Variants in NOX1 observed in about 807,000 individuals in gnomAD.
The protein encoded by NOX1 is NADH/NADPH mitogenic oxidase subunit P65-MOX.
Under a neutral mutation model 42.5 loss-of-function variants are expected in NOX1, and 34 were observed. That is an observed-to-expected ratio of 0.80 (90% CI 0.61 to 1.07). NOX1 has a LOEUF of 1.07. Among genes scored for constraint, NOX1 ranks in the 50% least tolerant of loss-of-function variants. The probability of loss-of-function intolerance (pLI) is 0.00; values close to 1 mark genes in which losing one functional copy is unlikely to be tolerated. For missense variants in NOX1, 408 were observed against 427.0 expected (o/e 0.96, Z 0.39); for synonymous variants, 143 against 152.5 (o/e 0.94, Z 0.46).
At chrX:100,873,118 A>C (rs1350239671) in intron 1 of NOX1, among the ~76,000 whole-genome samples, 4 of 110,356 alleles carry the variant, frequency 3.6e-5, no homozygotes, top group Non-Finnish European at 7.6e-5. Context: ...CCCAAAAGCA[A>C]AACAGGAGAA....
At position 100,863,520 on chromosome X, in the gene NOX1, G is replaced by A. The variant is rs1399692470; in HGVS notation, c.217C>T (p.Arg73Cys). 3.3e-6 allele frequency: 4 copies of A among 1,208,646 alleles called. No homozygotes were observed. In the African/African-American group the frequency reaches 5.3e-5, roughly 16 times the overall value. The stretch of plus-strand genomic sequence containing the variant: ...CCCCTCAGGAAGGACAGCAGATTGC[G>A]ACACACAGGAAGCAGGATCAGCGTG... ...NSTLILLPVC[R>C]NLLSFLRGTC... Residue 73 changes from arginine (R) to cysteine (C), a missense_variant, in exon 3 of 13, where the codon CGC (arginine) becomes TGC (cysteine). By Grantham distance (180) the Arg-to-Cys change is radical. Transcript: ENST00000372966.
At chrX:100,857,858 CTGTAGG>C (rs779041388) in intron 7 of NOX1, among the ~76,000 whole-genome samples, 15 of 111,284 alleles carry the variant, frequency 1.3e-4, no homozygotes, top group African/African-American at 4.9e-4. Context: ...TTCTCCCATT[CTGTAGG>C]TTGTTTGTTT....
At chrX:100,869,430 A>G (rs1242539927) in intron 2 of NOX1, among the ~76,000 whole-genome samples, 1 of 106,489 alleles carries the variant, frequency 9.4e-6, no homozygotes, top group African/African-American at 3.4e-5. Context: ...GCAATTGTGA[A>G]TGGGAGTTCA....
chrX:100,849,973 C>A (rs762499829), intron 9 of NOX1, 39 bp from the exon 10 acceptor site: 1 of 1,136,497 alleles, frequency 8.8e-7, no homozygotes, highest in South Asian at 2.1e-5. Context: ...CTGAAGACTC[C>A]CCTCCACCTC....
chrX:100,857,213 G>C (rs1356027318), intron 7 of NOX1, among the ~76,000 whole-genome samples: 2 of 112,071 alleles, frequency 1.8e-5, no homozygotes, highest in Non-Finnish European at 3.8e-5. Context: ...ACATGATCTT[G>C]TTATTTTTTA....
chrX:100,847,968 C>T (rs983924177), intron 12 of NOX1, among the ~76,000 whole-genome samples: 2 of 109,836 alleles, frequency 1.8e-5, no homozygotes, highest in African/African-American at 6.6e-5. Context: ...CTAGATAATA[C>T]CTTTGTTACT....
At chrX:100,867,653 C>T (rs2085247115) in intron 2 of NOX1, among the ~76,000 whole-genome samples, 1 of 110,665 alleles carries the variant, frequency 9.0e-6, no homozygotes, top group Admixed American at 9.7e-5. Flanking sequence ...ATAGCTGAAG[C>T]CTGGGAGAGT....
intron 2 of NOX1, among the ~76,000 whole-genome samples, chrX:100,865,352 G>A (rs1160510225): frequency 8.9e-6 from 1 of 112,800 alleles, no homozygotes; most frequent in African/African-American, 3.2e-5. Context: ...TCCATATTCT[G>A]TGGTGGCTAT....
rs1466940798 is a variant in NOX1 at position 100,874,340 on chromosome X, A to G, written c.-201T>C. 2.8e-6 allele frequency: 1 copy of G among 356,466 alleles called. No individual in the cohort carries two copies. Among genetic ancestry groups the G allele is most frequent in the African/African-American group, 2.6e-5 (1 of 38,047 alleles). 29.4% of individuals were successfully genotyped at this position (356,466 alleles called of 1,213,427 possible). ...TTCCTTCTCTGGACAGAACTGTGCT[A>G]TCAGCTTAGATAGACCAGCCCTATC... On this transcript the variant is annotated 5_prime_UTR_variant, in exon 1 of 13. Coordinates refer to ENST00000372966, the MANE Select transcript of NOX1 (RefSeq NM_007052.5).
At chrX:100,874,000 G>A in intron 1 of NOX1, 95 bp downstream of exon 1, 1 of 656,723 alleles carries the variant, frequency 1.5e-6, no homozygotes. Flanking sequence ...AATCGGCATG[G>A]AATCATCTTT....
Position 100,855,414 on chromosome X carries a change from C to T in NOX1, c.805-4089G>A. ...GGCCAGAGCGTCTGCCCCAAAGTTT[C>T]CTCCCTTCATGGGTCCAAAATTTGA... is the stretch of plus-strand genomic sequence containing the variant. On this transcript the variant is annotated intron_variant, in intron 7 of 12. Transcript: ENST00000372966. 11 of 631,452 alleles carry T rather than the reference C, an allele frequency of 1.7e-5. No individual in the cohort carries two copies. In the South Asian group the frequency reaches 1.9e-4, roughly 11 times the overall value. 52.0% of individuals were successfully genotyped at this position (631,452 alleles called of 1,213,427 possible).
intron 7 of NOX1, among the ~76,000 whole-genome samples, chrX:100,859,292 G>A (rs770290438): frequency 7.1e-5 from 8 of 112,085 alleles, no homozygotes; most frequent in South Asian, 3.7e-4. Context: ...CTACTTGATC[G>A]TGGTGGATTA....
chrX:100,858,742 T>C (rs1459590399), intron 7 of NOX1, among the ~76,000 whole-genome samples: 1 of 111,101 alleles, frequency 9.0e-6, no homozygotes, highest in African/African-American at 3.3e-5. Flanking sequence ...TGGGTGTTGT[T>C]GGGGTATAGC....
rs765712874 is a variant in NOX1, at chrX:100,862,473, C to T, written c.590G>A (p.Arg197Gln). ...LMVTSATEFI[R>Q]RSYFEVFWYT... ...CCAGAAGACTTCAAAATAACTCCTC[C>T]GGATGAACTCAGTAGCTGAAGTTAC... Residue 197 changes from arginine (R) to glutamine (Q), a missense_variant, in exon 6 of 13, where the codon CGG becomes CAG. Transcript: ENST00000372966. 20 of 1,206,527 alleles carry T rather than the reference C, an allele frequency of 1.7e-5. No individual in the cohort carries two copies. Among genetic ancestry groups the T allele is most frequent in the Middle Eastern group, 2.3e-4 (1 of 4,368 alleles).
At position 100,862,199 on chromosome X, in the gene NOX1, C is replaced by T. The variant is rs769691003; in HGVS notation, c.776G>A (p.Arg259His). 25 of 1,210,104 alleles carry T rather than the reference C, an allele frequency of 2.1e-5. No homozygotes were observed. In the East Asian group the frequency reaches 3.3e-4, roughly 16 times the overall value. ...MWDDRDSHCR[R>H]PKFEGHPPES... Reference sequence around the variant, plus strand: ...AGGGGGATGCCCTTCAAACTTAGGGCGCCTACAGTGGGAGTCACGATCATC... The same window carrying T: ...AGGGGGATGCCCTTCAAACTTAGGGTGCCTACAGTGGGAGTCACGATCATC... Residue 259 changes from arginine to histidine, a missense_variant, in exon 7 of 13, where the codon CGC becomes CAC. By Grantham distance (29) the Arg-to-His change is conservative (BLOSUM62 0). Coordinates refer to ENST00000372966, the MANE Select transcript of NOX1 (RefSeq NM_007052.5).
chrX:100,871,033 AG>A (rs1438588961), intron 1 of NOX1, among the ~76,000 whole-genome samples: 1 of 112,431 alleles, frequency 8.9e-6, no homozygotes, highest in Non-Finnish European at 1.9e-5. Flanking sequence ...CAGCAAACTG[AG>A]GCCCATGGCC....
intron 7 of NOX1, among the ~76,000 whole-genome samples, chrX:100,859,405 G>A (rs186038193): frequency 9.0e-6 from 1 of 111,206 alleles, no homozygotes; most frequent in East Asian, 2.8e-4. Context: ...TTCTTTTTTC[G>A]TTGTATCTCT....
At position 100,843,703 on chromosome X, in the gene NOX1, T is replaced by G; in HGVS notation, c.*249A>C. 2 of 394,036 alleles carry G rather than the reference T, an allele frequency of 5.1e-6. No homozygotes were observed. 32.5% of individuals were successfully genotyped at this position (394,036 alleles called of 1,213,427 possible). ...CTACAGTCATGGCTGTCCAGAAAGATTTACAGTTATTTTTCTGAGAAAGGA... is the reference window on the plus strand; with the variant it reads ...CTACAGTCATGGCTGTCCAGAAAGAGTTACAGTTATTTTTCTGAGAAAGGA... On this transcript the variant is annotated 3_prime_UTR_variant, in exon 13 of 13. Transcript: ENST00000372966.
At position 100,862,230 on chromosome X, in the gene NOX1, T is replaced by C; in HGVS notation, c.745A>G (p.Met249Val). Residue 249 changes from methionine to valine, a missense_variant, in exon 7 of 13, where the codon ATG becomes GTG. Met to Val is a conservative substitution (Grantham distance 21, BLOSUM62 1). Transcript: ENST00000372966. ...HPRKCAESFE[M>V]WDDRDSHCRR... is the part of the protein sequence containing the mutation. ...CAGTGGGAGTCACGATCATCCCACA[T>C]CTCAAAAGACTCTGCACACTTGCGA... 8.3e-7 allele frequency: 1 copy of C among 1,211,257 alleles called. No homozygotes were observed. Among genetic ancestry groups the C allele is most frequent in the Non-Finnish European group, 1.1e-6 (1 of 895,103 alleles).
Sources: allele counts gnomAD v4.1 joint callset (sites outside exome capture counted in the v4.1 genomes callset), GRCh38; gene constraint gnomAD v4.1.1; transcripts MANE v1.5; gene names NCBI Gene and HGNC (gene_info 2026-07-23, HGNC 2026-07-21).